Variants in RFTN2 observed in about 807,000 individuals in gnomAD.
The protein encoded by RFTN2 is raftlin family member 2, also known as raftlin-2.
RFTN2 carries 34 observed loss-of-function variants against 52.7 expected under a neutral mutation model. The ratio of observed to expected loss-of-function variants is 0.64; its 90% CI spans 0.49 to 0.86. The LOEUF (loss-of-function observed/expected upper bound fraction) is 0.86. Among genes scored for constraint, RFTN2 ranks in the 40% least tolerant of loss-of-function variants. The pLI is 0.00. For synonymous variants in RFTN2, 203 were observed against 217.7 expected (o/e 0.93, Z 0.59); for missense variants, 536 against 600.1 (o/e 0.89, Z 1.12).
chr2:197,663,938 A>G (rs1361446081), intron 1 of RFTN2, among the ~76,000 whole-genome samples: 10 of 152,130 alleles, frequency 6.6e-5, no homozygotes, highest in Admixed American at 5.2e-4. Context: ...ATTTATTGCT[A>G]TATACTACTT....
At chr2:197,620,280 G>C (rs1284711512) in intron 5 of RFTN2, among the ~76,000 whole-genome samples, 1 of 152,034 alleles carries the variant, frequency 6.6e-6, no homozygotes, top group African/African-American at 2.4e-5. Context: ...TTAAGGGAGG[G>C]CCTCTCTGAC....
intron 1 of RFTN2, among the ~76,000 whole-genome samples, chr2:197,668,693 A>T (rs935703730): frequency 1.3e-5 from 2 of 152,106 alleles, no homozygotes; most frequent in Non-Finnish European, 2.9e-5. Context: ...TAGCATCACT[A>T]GATCTAGGAC....
chr2:197,578,714 TA>T (rs1381671909), intron 8 of RFTN2, among the ~76,000 whole-genome samples: 6 of 152,202 alleles, frequency 3.9e-5, no homozygotes, highest in Admixed American at 3.9e-4. Context: ...CCCAGGTGAT[TA>T]AAAAGCTTTA....
intron 8 of RFTN2, among the ~76,000 whole-genome samples, chr2:197,581,664 C>T (rs772025297): frequency 1.0e-3 from 155 of 152,306 alleles, no homozygotes; most frequent in Non-Finnish European, 8.2e-4. Flanking sequence ...GTACCCCCTT[C>T]CAAAGCTCAA....
At chr2:197,642,922 C>G (rs998969503) in intron 3 of RFTN2, among the ~76,000 whole-genome samples, 1 of 151,874 alleles carries the variant, frequency 6.6e-6, no homozygotes, top group Non-Finnish European at 1.5e-5. Flanking sequence ...GAGACTGCAG[C>G]GAGCTATGAT....
chr2:197,578,407 TTA>T (rs896818711), intron 8 of RFTN2, among the ~76,000 whole-genome samples: 6 of 152,188 alleles, frequency 3.9e-5, no homozygotes, highest in African/African-American at 1.4e-4. Flanking sequence ...CACGTGACTG[TTA>T]TGTCAGGCCT....
chr2:197,595,765 C>T (rs2087784852), intron 8 of RFTN2, among the ~76,000 whole-genome samples: 1 of 152,218 alleles, frequency 6.6e-6, no homozygotes, highest in Admixed American at 6.5e-5. Flanking sequence ...TTGCCTTCAG[C>T]TCAAAGTAAT....
chr2:197,600,182 C>T lies in RFTN2; in HGVS notation c.1155-4113G>A, dbSNP rs143095193. ...CCTAAGCACGAGCTTTAAAACTGTT[C>T]GGTTGAAACTGACGAGTAATGCCTT... is the stretch of plus-strand genomic sequence containing the variant. On this transcript the variant is annotated intron_variant, in intron 7 of 8. Transcript: ENST00000295049. 1.7e-3 allele frequency among the ~76,000 whole-genome samples: 258 copies of T among 152,218 alleles called. 2 individuals carry two copies. Among genetic ancestry groups the T allele is most frequent in the African/African-American group, 5.7e-3 (237 of 41,558 alleles).
chr2:197,636,383 C>G (rs1427316060), intron 3 of RFTN2, among the ~76,000 whole-genome samples: 2 of 138,456 alleles, frequency 1.4e-5, no homozygotes, highest in Non-Finnish European at 3.1e-5. Context: ...ATGGAATGTT[C>G]TTCCATTTGT....
intron 8 of RFTN2, among the ~76,000 whole-genome samples, chr2:197,577,996 C>T (rs540455661): frequency 6.6e-5 from 10 of 152,236 alleles, no homozygotes; most frequent in Middle Eastern, 3.4e-3. Flanking sequence ...GGATTACAGG[C>T]GTGAGCCACC....
intron 4 of RFTN2, among the ~76,000 whole-genome samples, chr2:197,633,310 A>G (rs915257641): frequency 2.6e-5 from 4 of 152,246 alleles, no homozygotes; most frequent in African/African-American, 7.2e-5. Flanking sequence ...CAAAGGTTAA[A>G]ACCATCCATG....
chr2:197,634,107 CT>C (rs1346396674), intron 3 of RFTN2, 110 bp from the exon 4 acceptor site: 3 of 899,760 alleles, frequency 3.3e-6, no homozygotes, highest in Non-Finnish European at 5.0e-6. Flanking sequence ...GATGGAGTAA[CT>C]TGACCAGTGA....
intron 7 of RFTN2, among the ~76,000 whole-genome samples, chr2:197,601,396 G>T (rs1006809713): frequency 2.0e-5 from 3 of 152,178 alleles, no homozygotes; most frequent in African/African-American, 7.2e-5. Context: ...AGCGTTCCAA[G>T]TCCTTTCTGT....
intron 1 of RFTN2, among the ~76,000 whole-genome samples, chr2:197,666,620 G>A (rs1475934668): frequency 6.6e-6 from 1 of 152,174 alleles, no homozygotes; most frequent in Non-Finnish European, 1.5e-5. Flanking sequence ...CTCTGGAGAA[G>A]ATCTTTTTGC....
chr2:197,644,479 ATTAAT>A lies in RFTN2; in HGVS notation c.324-212_324-208del, dbSNP rs569417677. 2.8e-4 allele frequency among the ~76,000 whole-genome samples: 43 copies of A among 152,342 alleles called. 1 individual carries two copies. In the South Asian group the frequency reaches 8.9e-3, roughly 32 times the overall value. ...TCAAATTTCCTTAATTTAAACTGCT[ATTAAT>A]TTAATTTGTCAGTTAGAAAGAAAGA... is the stretch of plus-strand genomic sequence containing the variant. On this transcript the variant is annotated intron_variant, in intron 2 of 8. Transcript: ENST00000295049.
intron 7 of RFTN2, among the ~76,000 whole-genome samples, chr2:197,607,486 TAA>T (rs2087982317): frequency 6.6e-6 from 1 of 150,646 alleles, no homozygotes; most frequent in African/African-American, 2.4e-5. Flanking sequence ...ATAATAATAA[TAA>T]TAATAATAAT....
intron 3 of RFTN2, among the ~76,000 whole-genome samples, chr2:197,642,476 C>G (rs1309466076): frequency 6.6e-6 from 1 of 152,110 alleles, no homozygotes; most frequent in Admixed American, 6.6e-5. Flanking sequence ...ATTGTATAGA[C>G]TTTTCTCTCT....
chr2:197,622,442 A>G (rs1345007907), intron 5 of RFTN2, among the ~76,000 whole-genome samples: 1 of 152,074 alleles, frequency 6.6e-6, no homozygotes. Context: ...AGTAGCTCAG[A>G]TTATAGGCAC....
intron 7 of RFTN2, among the ~76,000 whole-genome samples, chr2:197,604,670 A>G (rs780121105): frequency 6.6e-6 from 1 of 152,014 alleles, no homozygotes; most frequent in Non-Finnish European, 1.5e-5. Context: ...GTGATATTCT[A>G]TTTTTTTGGC....
Sources: gnomAD v4.1 joint callset for allele counts (sites outside exome capture counted in the v4.1 genomes callset) on GRCh38, gnomAD v4.1.1 for gene constraint, MANE v1.5 for transcripts, NCBI Gene and HGNC (gene_info 2026-07-23, HGNC 2026-07-21) for gene names.